Variants in SEPTIN12 observed in about 807,000 individuals in gnomAD.
The protein encoded by SEPTIN12 is septin 12, also known as septin-12.
In SEPTIN12, 42 loss-of-function variants were observed where a neutral mutation model predicts 37.7. The ratio of observed to expected loss-of-function variants is 1.11; its 90% CI spans 0.87 to 1.44. The LOEUF (loss-of-function observed/expected upper bound fraction) is 1.44. SEPTIN12 is among the 40% of genes most tolerant of loss of function. The probability of loss-of-function intolerance (pLI) is 0.00; values close to 1 mark genes in which losing one functional copy is unlikely to be tolerated. For synonymous variants in SEPTIN12, 254 were observed against 196.7 expected (o/e 1.29, Z -2.44); for missense variants, 613 against 479.2 (o/e 1.28, Z -2.61).
rs200969903 is a variant in SEPTIN12, at chr16:4,777,916, G to A, written c.958C>T (p.Leu320=). 1 of 1,604,940 alleles carries A rather than the reference G, an allele frequency of 6.2e-7. No individual in the cohort carries two copies. The highest frequency in any genetic ancestry group is 2.2e-5 in the East Asian group (1 of 44,536). ...ACCCAGCCGGGCCCGCGGGGCAGCA[G>A]GTGGCTTTCATTGAGTCTGATGACG... ...YRVIRLNESH[L]LPRGPGWVNL... The change falls in exon 10 of 10, where the codon CTG becomes TTG. Residue 320 remains leucine (L), a synonymous_variant. Transcript: ENST00000268231.
intron 8 of SEPTIN12, 28 bp downstream of exon 8, chr16:4,779,662 G>A: frequency 7.0e-7 from 1 of 1,428,172 alleles, no homozygotes; most frequent in South Asian, 1.1e-5. Context: ...GACCCCACCT[G>A]CATCCTACCC....
chr16:4,787,646 G>T lies in SEPTIN12; in HGVS notation c.-1C>A. On this transcript the variant is annotated 5_prime_UTR_variant, in exon 2 of 10. Coordinates refer to ENST00000268231, the MANE Select transcript of SEPTIN12 (RefSeq NM_144605.5). ...AGGGGGAGCGCCTCAGGGGGTCCAT[G>T]GGGGCCAAGGGTTCGAGATGCCTGT... 3 of 1,560,606 alleles carry T rather than the reference G, an allele frequency of 1.9e-6. No individual in the cohort carries two copies. The highest frequency in any genetic ancestry group is 2.2e-5 in the East Asian group (1 of 44,472).
At chr16:4,785,185 A>G (rs939126136) in intron 4 of SEPTIN12, among the ~76,000 whole-genome samples, 1 of 151,546 alleles carries the variant, frequency 6.6e-6, no homozygotes, top group Non-Finnish European at 1.5e-5. Context: ...CGGGAGGCGG[A>G]GGTTGCAGTG....
intron 5 of SEPTIN12, 39 bp downstream of exon 5, chr16:4,783,892 G>C: frequency 6.2e-7 from 1 of 1,613,008 alleles, no homozygotes; most frequent in Non-Finnish European, 8.5e-7. Flanking sequence ...TCCCTGCCCC[G>C]TGCAGGTGGT....
chr16:4,791,107 G>A (rs1266017640), upstream of SEPTIN12, among the ~76,000 whole-genome samples: 2 of 152,242 alleles, frequency 1.3e-5, no homozygotes, highest in Admixed American at 6.5e-5. Flanking sequence ...TCTGTGCAGA[G>A]AAAACACTTT....
Position 4,777,606 on chromosome 16 carries a change from TAAC to T in SEPTIN12, c.*188_*190del, listed in dbSNP as rs1484283415. 1 of 561,194 alleles carries T rather than the reference TAAC, an allele frequency of 1.8e-6. No individual in the cohort carries two copies. Among genetic ancestry groups the T allele is most frequent in the Non-Finnish European group, 3.1e-6 (1 of 318,314 alleles). The allele number at this position is 561,194 out of a possible 1,614,324, so 34.8% of individuals were successfully genotyped here. On this transcript the variant is annotated 3_prime_UTR_variant, in exon 10 of 10. Transcript: ENST00000268231. ...TTGCGCCACTGTACTCCAGCCTGGG[TAAC>T]AGAGTGACACCCAGCCTTTTTATTT... is the stretch of plus-strand genomic sequence containing the variant.
In SEPTIN12 at chr16:4,783,761, C is replaced by A; in HGVS notation, c.518G>T (p.Arg173Leu). The change falls in exon 6 of 10, where the codon CGG becomes CTG. Residue 173 changes from arginine to leucine, a missense_variant. Transcript: ENST00000268231. ...CTGCAGGAACTCAATGTCCAGGGGC[C>A]GCAGGCTGCCGGAGGCAGGGCAGTG... ...YFVPPTGHCL[R>L]PLDIEFLQRL... is the part of the protein sequence containing the mutation. The A allele has an allele frequency of 1.2e-6, 2 of 1,613,570 alleles. No homozygotes were observed. The highest frequency in any genetic ancestry group is 1.7e-4 in the Middle Eastern group (1 of 6,024).
At chr16:4,781,900 G>A (rs187857502) in intron 7 of SEPTIN12, among the ~76,000 whole-genome samples, 79 of 133,290 alleles carry the variant, frequency 5.9e-4, no homozygotes, top group African/African-American at 2.2e-3. Context: ...CACCTCAGCC[G>A]CCCAAAGTGC....
chr16:4,777,735 A>T lies in SEPTIN12; in HGVS notation c.*62T>A. ...ACATTTAATAGATGCTCTGGTACATAGGTGTGTGTTGAGAGCCGCTGGGGA... is the reference window on the plus strand; with the variant it reads ...ACATTTAATAGATGCTCTGGTACATTGGTGTGTGTTGAGAGCCGCTGGGGA... On this transcript the variant is annotated 3_prime_UTR_variant, in exon 10 of 10. Transcript: ENST00000268231. The T allele has an allele frequency of 8.8e-7, 1 of 1,131,228 alleles. No individual in the cohort carries two copies. The highest frequency in any genetic ancestry group is 1.2e-6 in the Non-Finnish European group (1 of 806,056). 70.1% of individuals were successfully genotyped at this position (1,131,228 alleles called of 1,614,324 possible).
At chr16:4,785,300 T>C (rs1261031479) in intron 4 of SEPTIN12, among the ~76,000 whole-genome samples, 1 of 150,956 alleles carries the variant, frequency 6.6e-6, no homozygotes, top group Non-Finnish European at 1.5e-5. Context: ...AGGCAGAGGT[T>C]GCAGTGAGCC....
Position 4,777,769 on chromosome 16 carries a change from G to T in SEPTIN12, c.*28C>A, listed in dbSNP as rs760173061. 1 of 1,459,148 alleles carries T rather than the reference G, an allele frequency of 6.9e-7. No individual in the cohort carries two copies. The highest frequency in any genetic ancestry group is 1.4e-5 in the South Asian group (1 of 71,820). The allele number at this position is 1,459,148 out of a possible 1,614,324, so 90.4% of individuals were successfully genotyped here. On this transcript the variant is annotated 3_prime_UTR_variant, in exon 10 of 10. Coordinates refer to ENST00000268231, the MANE Select transcript of SEPTIN12 (RefSeq NM_144605.5). ...TTGAGAGCCGCTGGGGACTCAGGAA[G>T]CCCAGCAGCCCCGGGATCCGCCGGT...
intron 9 of SEPTIN12, 39 bp downstream of exon 9, chr16:4,778,047 C>T: frequency 6.2e-7 from 1 of 1,613,222 alleles, no homozygotes. Flanking sequence ...CCCAGGGCCC[C>T]TCGCCAGCCC....
chr16:4,787,573 C>G lies in SEPTIN12; in HGVS notation c.73G>C (p.Glu25Gln). 1.2e-6 allele frequency: 2 copies of G among 1,610,260 alleles called. No individual in the cohort carries two copies. The highest frequency in any genetic ancestry group is 1.7e-5 in the Admixed American group (1 of 60,010). Residue 25 changes from glutamate to glutamine, a missense_variant, in exon 2 of 10, where the codon GAG (glutamate) becomes CAG (glutamine). Glu to Gln is a conservative substitution (Grantham distance 29, BLOSUM62 2). Transcript: ENST00000268231. ...QPSSPSTPPC[E>Q]MLGPVGIEAV... is the part of the protein sequence containing the mutation. ...TCAATGCCCACAGGACCAAGCATCT[C>G]GCAGGGTGGGGTGCTGGGGCTGGAG...
chr16:4,780,154 C>T (rs1319392354), intron 7 of SEPTIN12, among the ~76,000 whole-genome samples: 1 of 152,112 alleles, frequency 6.6e-6, no homozygotes, highest in Non-Finnish European at 1.5e-5. Context: ...CCTATAATCC[C>T]ATAGCTCACT....
At chr16:4,783,219 T>A (rs9941057) in intron 7 of SEPTIN12, 13,098 of 531,942 alleles carry the variant, frequency 0.025, 1,349 homozygotes, top group African/African-American at 0.23. Flanking sequence ...CAATGTTCTC[T>A]ATATATTCAG....
At chr16:4,779,622 G>A in intron 8 of SEPTIN12, 68 bp downstream of exon 8, 3 of 948,940 alleles carry the variant, frequency 3.2e-6, no homozygotes, top group Non-Finnish European at 3.5e-6. Flanking sequence ...GGGTGCGAAG[G>A]TTGCCCAAGG....
At chr16:4,786,231 T>C (rs1455902282) in intron 2 of SEPTIN12, 126 bp from the exon 3 acceptor site, 1 of 1,234,302 alleles carries the variant, frequency 8.1e-7, no homozygotes, top group African/African-American at 1.5e-5. Context: ...TGGAGTGCAA[T>C]GATGCAATCC....
intron 7 of SEPTIN12, among the ~76,000 whole-genome samples, chr16:4,781,899 C>A (rs1036665387): frequency 1.4e-5 from 2 of 141,128 alleles, no homozygotes; most frequent in Non-Finnish European, 3.0e-5. Context: ...CCACCTCAGC[C>A]GCCCAAAGTG....
Position 4,777,741 on chromosome 16 carries a change from G to T in SEPTIN12, c.*56C>A. ...AATAGATGCTCTGGTACATAGGTGT[G>T]TGTTGAGAGCCGCTGGGGACTCAGG... On this transcript the variant is annotated 3_prime_UTR_variant, in exon 10 of 10. Transcript: ENST00000268231. The T allele has an allele frequency of 8.2e-7, 1 of 1,214,334 alleles. No individual in the cohort carries two copies. The highest frequency in any genetic ancestry group is 1.1e-6 in the Non-Finnish European group (1 of 879,776). The allele number at this position is 1,214,334 out of a possible 1,614,324, so 75.2% of individuals were successfully genotyped here. A position where few individuals can be genotyped will look rare whatever the true frequency, so the allele number is the denominator to read the frequency against.
Sources: gnomAD v4.1 joint callset for allele counts (sites outside exome capture counted in the v4.1 genomes callset) on GRCh38, gnomAD v4.1.1 for gene constraint, MANE v1.5 for transcripts, NCBI Gene and HGNC (gene_info 2026-07-23, HGNC 2026-07-21) for gene names.